EYS: variants seen among roughly 807,000 people sequenced by gnomAD.
EYS encodes protein eyes shut homolog.
Under a neutral mutation model 282.1 loss-of-function variants are expected in EYS, and 250 were observed. That is an observed-to-expected ratio of 0.89 (90% CI 0.80 to 0.98). The LOEUF (loss-of-function observed/expected upper bound fraction) is 0.98, where lower values mean the gene tolerates loss of function less well. EYS is among the 50% of genes least tolerant of loss of function. The probability of loss-of-function intolerance (pLI) is 0.00; values close to 1 mark genes in which losing one functional copy is unlikely to be tolerated. For synonymous variants in EYS, 1,355 were observed against 1,282.9 expected (o/e 1.06, Z -1.20); for missense variants, 4,016 against 3,709.0 (o/e 1.08, Z -2.15).
At chr6:64,552,743 C>T (rs1765122708) in intron 26 of EYS, among the ~76,000 whole-genome samples, 1 of 149,460 alleles carries the variant, frequency 6.7e-6, no homozygotes, top group African/African-American at 2.5e-5. Context: ...TGAACCCCCC[C>T]CACCATCTCT....
intron 30 of EYS, among the ~76,000 whole-genome samples, chr6:64,296,598 A>ATATATT (rs1561913902): frequency 2.5e-4 from 5 of 20,124 alleles, no homozygotes; most frequent in African/African-American, 3.2e-4. Context: ...ATATATATAT[A>ATATATT]TTTTTTTTTT....
intron 12 of EYS, among the ~76,000 whole-genome samples, chr6:65,094,902 G>C (rs1423764440): frequency 6.6e-6 from 1 of 151,084 alleles, no homozygotes; most frequent in Non-Finnish European, 1.5e-5. Context: ...AAGAAAAAAT[G>C]TCAACAAAGT....
chr6:64,266,760 T>C (rs1454809372), intron 30 of EYS, among the ~76,000 whole-genome samples: 1 of 152,120 alleles, frequency 6.6e-6, no homozygotes, highest in Non-Finnish European at 1.5e-5. Flanking sequence ...CCAGCATTAC[T>C]CTCTAGGGGA....
chr6:65,095,866 C>T (rs1774723508), intron 12 of EYS, among the ~76,000 whole-genome samples: 1 of 150,552 alleles, frequency 6.6e-6, no homozygotes, highest in African/African-American at 2.4e-5. Context: ...AAACGGAAAA[C>T]TTTTCCTCTA....
At chr6:65,528,932 T>A (rs1767665898) in intron 2 of EYS, among the ~76,000 whole-genome samples, 1 of 152,190 alleles carries the variant, frequency 6.6e-6, no homozygotes, top group African/African-American at 2.4e-5. Flanking sequence ...TAAAGTCTTT[T>A]GCAAATTTTC....
At chr6:65,254,061 A>C (rs1767396441) in intron 12 of EYS, among the ~76,000 whole-genome samples, 1 of 151,882 alleles carries the variant, frequency 6.6e-6, no homozygotes, top group Non-Finnish European at 1.5e-5. Flanking sequence ...AGTTTCTAAG[A>C]AGGCTTGCTA....
At chr6:65,514,050 T>A (rs1319529443) in intron 2 of EYS, among the ~76,000 whole-genome samples, 1 of 152,076 alleles carries the variant, frequency 6.6e-6, no homozygotes, top group Non-Finnish European at 1.5e-5. Flanking sequence ...CCCCATTGTC[T>A]CAGCCCAAAA....
intron 28 of EYS, among the ~76,000 whole-genome samples, chr6:64,393,894 G>GC (rs978855140): frequency 5.9e-5 from 9 of 151,922 alleles, no homozygotes; most frequent in Non-Finnish European, 1.3e-4. Flanking sequence ...CATTGTCTCA[G>GC]CCCAAAATCT....
intron 33 of EYS, among the ~76,000 whole-genome samples, chr6:64,010,399 G>C (rs538629526): frequency 4.6e-5 from 7 of 151,116 alleles, no homozygotes; most frequent in East Asian, 2.0e-4. Flanking sequence ...TGGTTGGGGG[G>C]GGGGGTGGTG....
rs1026499282 is a variant in EYS, at chr6:64,108,801, C to T, written c.6425-26799G>A. ...TTTGTCTGTTATTGGACCCCATCAT[C>T]CCCATAATATTCCTTCCACATTACT... On this transcript the variant is annotated intron_variant, in intron 31 of 42. Transcript: ENST00000503581. Among the ~76,000 whole-genome samples the T allele has an allele frequency of 4.6e-5, 7 of 152,066 alleles. No homozygotes were observed. In the East Asian group the frequency reaches 1.2e-3, roughly 25 times the overall value.
intron 5 of EYS, among the ~76,000 whole-genome samples, chr6:65,415,446 T>G (rs1380799709): frequency 6.6e-6 from 1 of 152,028 alleles, no homozygotes; most frequent in African/African-American, 2.4e-5. Flanking sequence ...TAGGGAGGTC[T>G]TAGAGGTTGT....
chr6:64,691,467 A>G (rs866959658), intron 22 of EYS, among the ~76,000 whole-genome samples: 3 of 152,318 alleles, frequency 2.0e-5, no homozygotes, highest in Middle Eastern at 6.8e-3. Context: ...GAATTTTTAT[A>G]TGCAACAGAA....
intron 22 of EYS, among the ~76,000 whole-genome samples, chr6:64,788,012 GC>G (rs1259572966): frequency 2.6e-5 from 4 of 151,698 alleles, no homozygotes; most frequent in African/African-American, 9.7e-5. Flanking sequence ...TATTTTTGAA[GC>G]TTTTTTTTCT....
chr6:64,573,162 A>C (rs946974340), intron 26 of EYS, among the ~76,000 whole-genome samples: 2 of 152,196 alleles, frequency 1.3e-5, no homozygotes, highest in African/African-American at 2.4e-5. Flanking sequence ...TGGCAAAAAC[A>C]AGCAATGGGG....
intron 12 of EYS, among the ~76,000 whole-genome samples, chr6:65,184,699 G>A (rs1765475022): frequency 6.6e-6 from 1 of 151,222 alleles, no homozygotes; most frequent in Non-Finnish European, 1.5e-5. Context: ...AAATAATTAA[G>A]AAAAATAACA....
intron 39 of EYS, among the ~76,000 whole-genome samples, chr6:63,783,813 T>C (rs932588217): frequency 3.3e-5 from 5 of 151,972 alleles, no homozygotes; most frequent in African/African-American, 7.3e-5. Context: ...CTAGATATAG[T>C]GATAGTTGAT....
At chr6:64,165,399 A>G (rs186410607) in intron 31 of EYS, among the ~76,000 whole-genome samples, 75 of 152,238 alleles carry the variant, frequency 4.9e-4, no homozygotes, top group Admixed American at 1.7e-3. Context: ...TTAAGTAACA[A>G]TAGTTTTCAA....
intron 12 of EYS, among the ~76,000 whole-genome samples, chr6:65,082,051 G>C (rs1236213006): frequency 6.6e-6 from 1 of 151,964 alleles, no homozygotes; most frequent in African/African-American, 2.4e-5. Flanking sequence ...CAATTACCCT[G>C]AGTTCATTAA....
intron 26 of EYS, among the ~76,000 whole-genome samples, chr6:64,457,158 T>G (rs187019649): frequency 1.1e-3 from 166 of 152,180 alleles, no homozygotes; most frequent in Non-Finnish European, 2.0e-3. Flanking sequence ...TTAATTTGTA[T>G]GTATTTGTTA....
Sources: allele counts gnomAD v4.1 joint callset (sites outside exome capture counted in the v4.1 genomes callset), GRCh38; gene constraint gnomAD v4.1.1; transcripts MANE v1.5; gene names NCBI Gene and HGNC (gene_info 2026-07-23, HGNC 2026-07-21).